The following FREM2 variants were observed in gnomAD, a reference collection of about 807,000 sequenced individuals.
FREM2 encodes FRAS1 related extracellular matrix 2, also known as FRAS1-related extracellular matrix protein 2.
Under a neutral mutation model 219.9 loss-of-function variants are expected in FREM2, and 119 were observed. That is an observed-to-expected ratio of 0.54 (90% CI 0.47 to 0.63). The LOEUF is 0.63. Among genes scored for constraint, FREM2 ranks in the 30% least tolerant of loss-of-function variants. The probability of loss-of-function intolerance (pLI) is 0.00; values close to 1 mark genes in which losing one functional copy is unlikely to be tolerated. For synonymous variants in FREM2, 1,562 were observed against 1,522.8 expected (o/e 1.03, Z -0.60); for missense variants, 4,030 against 3,993.6 (o/e 1.01, Z -0.25).
intron 2 of FREM2, among the ~76,000 whole-genome samples, chr13:38,743,173 T>C (rs767875185): frequency 1.3e-5 from 2 of 152,142 alleles, no homozygotes; most frequent in Non-Finnish European, 1.5e-5. Flanking sequence ...ACTTGAGATA[T>C]ACAACTCAGG....
intron 2 of FREM2, among the ~76,000 whole-genome samples, chr13:38,712,570 G>A (rs1195580060): frequency 6.6e-6 from 1 of 151,784 alleles, no homozygotes; most frequent in Non-Finnish European, 1.5e-5. Flanking sequence ...TTGCCCTAAG[G>A]CAGGCAGATA....
At chr13:38,831,956 C>A (rs563376365) in intron 6 of FREM2, among the ~76,000 whole-genome samples, 2 of 152,044 alleles carry the variant, frequency 1.3e-5, no homozygotes, top group Admixed American at 1.3e-4. Flanking sequence ...TTTGAAAATG[C>A]TTTTTAAAGA....
At chr13:38,806,329 C>A (rs1004127536) in intron 6 of FREM2, among the ~76,000 whole-genome samples, 1 of 151,890 alleles carries the variant, frequency 6.6e-6, no homozygotes, top group Non-Finnish European at 1.5e-5. Flanking sequence ...AAAAGAAAAG[C>A]AAATTTGAGC....
intron 6 of FREM2, among the ~76,000 whole-genome samples, chr13:38,807,405 C>G (rs888921534): frequency 6.7e-6 from 1 of 150,104 alleles, no homozygotes; most frequent in African/African-American, 2.4e-5. Flanking sequence ...ATATTCTTAA[C>G]GACATCTAGA....
chr13:38,883,094 C>G lies in FREM2; in HGVS notation c.*2307C>G, dbSNP rs1566178501. ...TATCCTACCAAATATTTATCCTTCT[C>G]TGTCCTCTATTCTCTTACTCTCCTC... On this transcript the variant is annotated 3_prime_UTR_variant, in exon 24 of 24. Coordinates refer to ENST00000280481, the MANE Select transcript of FREM2 (RefSeq NM_207361.6). The G allele has an allele frequency of 6.6e-6, 1 of 152,148 alleles. No individual in the cohort carries two copies. Among genetic ancestry groups the G allele is most frequent in the African/African-American group, 2.4e-5 (1 of 41,452 alleles). 9.4% of individuals were successfully genotyped at this position (152,148 alleles called of 1,614,324 possible). A position where few individuals can be genotyped will look rare whatever the true frequency, so the allele number is the denominator to read the frequency against.
Position 38,688,282 on chromosome 13 carries a change from C to T in FREM2, c.938C>T (p.Ala313Val), listed in dbSNP as rs1869594618. The T allele has an allele frequency of 3.7e-6, 6 of 1,614,078 alleles. No homozygotes were observed. The East Asian group carries it at 1.1e-4, about 30-fold the overall frequency. Residue 313 changes from alanine to valine, a missense_variant, in exon 1 of 24, where the codon GCC (alanine) becomes GTC (valine). Ala to Val is a moderately conservative substitution (Grantham distance 64). This residue lies in a region of FREM2 where 3,102 missense variants were observed against 2,950.7 expected (regional missense o/e 1.05). Transcript: ENST00000280481. Reference sequence around the variant, plus strand: ...GTTCTGGTGAGGATCCGAGGAGGGGCCGAGAACACTGCACCCAAGCCCAGT... The same window carrying T: ...GTTCTGGTGAGGATCCGAGGAGGGGTCGAGAACACTGCACCCAAGCCCAGT... Reference protein sequence around the residue: ...FQVLVRIRGGAENTAPKPSFV... With the variant: ...FQVLVRIRGGVENTAPKPSFV...
intron 6 of FREM2, among the ~76,000 whole-genome samples, chr13:38,829,747 A>T (rs1005349988): frequency 4.0e-5 from 6 of 151,786 alleles, no homozygotes; most frequent in Non-Finnish European, 8.8e-5. Context: ...AAACAAATTA[A>T]TTTGTTTATT....
At chr13:38,739,659 G>A (rs1466110404) in intron 2 of FREM2, among the ~76,000 whole-genome samples, 26 of 151,898 alleles carry the variant, frequency 1.7e-4, no homozygotes, top group Admixed American at 1.2e-3. Context: ...TGGCTCTTTC[G>A]TGGTCACTAC....
At chr13:38,704,695 A>C (rs532538236) in intron 2 of FREM2, among the ~76,000 whole-genome samples, 16 of 152,200 alleles carry the variant, frequency 1.1e-4, no homozygotes, top group Non-Finnish European at 1.6e-4. Context: ...CACCTGTATT[A>C]GTCAGTTTTC....
rs1873582410 is a variant in FREM2, at chr13:38,769,769, C to A, written c.5602C>A (p.Pro1868Thr). The change falls in exon 4 of 24, where the codon CCC becomes ACC. Residue 1868 changes from proline to threonine, a missense_variant. By Grantham distance (38) the Pro-to-Thr change is conservative. This residue lies in a region of FREM2 where 3,102 missense variants were observed against 2,950.7 expected (regional missense o/e 1.05). Coordinates refer to ENST00000280481, the MANE Select transcript of FREM2 (RefSeq NM_207361.6). ...SEPVLAALEF[P>T]TVATVEIVDP... ...GCCCGTGCTGGCTGCCTTGGAATTC[C>A]CCACAGTCGCCACTGTTGAGATCGT... is the stretch of plus-strand genomic sequence containing the variant. The A allele has an allele frequency of 6.2e-7, 1 of 1,613,912 alleles. No homozygotes were observed. Among genetic ancestry groups the A allele is most frequent in the African/African-American group, 1.3e-5 (1 of 74,892 alleles).
intron 2 of FREM2, among the ~76,000 whole-genome samples, chr13:38,750,153 G>T (rs1202128036): frequency 6.6e-6 from 1 of 152,084 alleles, no homozygotes; most frequent in Admixed American, 6.6e-5. Flanking sequence ...AAAATGAATG[G>T]ACTCTTTGAG....
chr13:38,844,707 A>G (rs1470145372), intron 6 of FREM2, among the ~76,000 whole-genome samples: 1 of 152,156 alleles, frequency 6.6e-6, no homozygotes, highest in Non-Finnish European at 1.5e-5. Flanking sequence ...CTCTCCCATA[A>G]CTCAGAAACC....
intron 3 of FREM2, among the ~76,000 whole-genome samples, chr13:38,764,875 G>A (rs1182883345): frequency 6.6e-6 from 1 of 152,160 alleles, no homozygotes; most frequent in Non-Finnish European, 1.5e-5. Flanking sequence ...AGAAGCAAAC[G>A]AATGAAACCT....
intron 2 of FREM2, among the ~76,000 whole-genome samples, chr13:38,761,567 T>C (rs1452064119): frequency 6.6e-6 from 1 of 152,228 alleles, no homozygotes; most frequent in Non-Finnish European, 1.5e-5. Context: ...ATTATTGATG[T>C]AAATTAGTAC....
Position 38,691,669 on chromosome 13 carries a change from A to G in FREM2, c.4325A>G (p.Asp1442Gly), listed in dbSNP as rs763043669. The part of the protein sequence containing the change: ...KEGGKVTLTT[D>G]LLSTSDLNSP... ...GGTGGCAAAGTCACTCTTACAACAG[A>G]CCTACTAAGCACTAGTGACTTGAAC... Residue 1442 changes from aspartate (D) to glycine (G), a missense_variant, in exon 1 of 24, where the codon GAC becomes GGC. By Grantham distance (94) the Asp-to-Gly change is moderately conservative (BLOSUM62 -1). Transcript: ENST00000280481. 14 of 1,614,006 alleles carry G rather than the reference A, an allele frequency of 8.7e-6. No homozygotes were observed. The highest frequency in any genetic ancestry group is 6.7e-5 in the East Asian group (3 of 44,888).
chr13:38,828,725 T>G (rs1458141664), intron 6 of FREM2, among the ~76,000 whole-genome samples: 1 of 149,166 alleles, frequency 6.7e-6, no homozygotes, highest in African/African-American at 2.5e-5. Context: ...TTAATAATAA[T>G]AAATTAATTT....
chr13:38,734,602 G>A (rs1395520939), intron 2 of FREM2, among the ~76,000 whole-genome samples: 8 of 151,932 alleles, frequency 5.3e-5, no homozygotes, highest in Non-Finnish European at 7.4e-5. Flanking sequence ...CTAAACTGAA[G>A]AAATTTAAAG....
intron 5 of FREM2, among the ~76,000 whole-genome samples, chr13:38,784,220 A>T (rs1481149320): frequency 2.0e-5 from 3 of 152,258 alleles, no homozygotes; most frequent in African/African-American, 7.2e-5. Flanking sequence ...AGGATTAAGG[A>T]GACAAGTATT....
chr13:38,727,073 A>T (rs1871557832), intron 2 of FREM2, among the ~76,000 whole-genome samples: 1 of 152,200 alleles, frequency 6.6e-6, no homozygotes, highest in Admixed American at 6.6e-5. Flanking sequence ...AGCTTGTTGG[A>T]CGTAGTTTTT....
Sources: allele counts gnomAD v4.1 joint callset (sites outside exome capture counted in the v4.1 genomes callset), GRCh38; gene constraint gnomAD v4.1.1; regional missense constraint gnomAD v4.1.1; transcripts MANE v1.5; gene names NCBI Gene and HGNC (gene_info 2026-07-23, HGNC 2026-07-21).